The following DNER variants were observed in gnomAD, a reference collection of about 807,000 sequenced individuals.
The protein encoded by DNER is delta and Notch-like epidermal growth factor-related receptor.
A neutral mutation model predicts 78.2 loss-of-function variants in DNER; 33 were observed. The observed-to-expected ratio is 0.42, with a 90% CI of 0.32 to 0.56. The LOEUF (loss-of-function observed/expected upper bound fraction) is 0.56. Among genes scored for constraint, DNER ranks in the 20% least tolerant of loss-of-function variants. The pLI, the probability that DNER is intolerant of heterozygous loss-of-function variation, is 0.11. For missense variants in DNER, 918 were observed against 975.3 expected, an observed-to-expected ratio of 0.94 and a Z score of 0.78; for synonymous variants, 417 against 384.8, an observed-to-expected ratio of 1.08 and a Z score of -0.98.
intron 10 of DNER, among the ~76,000 whole-genome samples, chr2:229,394,531 G>A (rs1014627181): frequency 1.3e-5 from 2 of 152,234 alleles, no homozygotes; most frequent in African/African-American, 2.4e-5. Flanking sequence ...AGGGAATGAA[G>A]CGTCTGTGTG....
At chr2:229,404,603 C>T (rs1693340847) in intron 10 of DNER, among the ~76,000 whole-genome samples, 1 of 152,074 alleles carries the variant, frequency 6.6e-6, no homozygotes, top group African/African-American at 2.4e-5. Flanking sequence ...AGTTTCTGGC[C>T]AGAATGACTG....
In DNER at chr2:229,591,382, C is replaced by T. The variant is rs1697603417; in HGVS notation, c.585+198G>A. On this transcript the variant is annotated intron_variant, in intron 2 of 12. Transcript: ENST00000341772. This position sits in a 1 kb window ranked among gnomAD's most constrained non-coding sequence, Gnocchi z 4.6. ...TACCATTCCAAAAAATAATTTGATTCATTTTTTTGTTTACTCTTTTTATAC... is the reference window on the plus strand; with the variant it reads ...TACCATTCCAAAAAATAATTTGATTTATTTTTTTGTTTACTCTTTTTATAC... Among the ~76,000 whole-genome samples, 1 of 152,194 alleles carries T rather than the reference C, an allele frequency of 6.6e-6. No individual in the cohort carries two copies. Among genetic ancestry groups the T allele is most frequent in the Non-Finnish European group, 1.5e-5 (1 of 68,022 alleles).
intron 6 of DNER, among the ~76,000 whole-genome samples, chr2:229,512,576 C>G (rs1260591096): frequency 1.3e-5 from 2 of 151,924 alleles, no homozygotes; most frequent in Non-Finnish European, 2.9e-5. Flanking sequence ...GGAAGGGTGA[C>G]AAGGGGATGA....
At chr2:229,409,564 TTGA>T (rs1489090210) in intron 9 of DNER, among the ~76,000 whole-genome samples, 6 of 152,224 alleles carry the variant, frequency 3.9e-5, no homozygotes, top group African/African-American at 1.4e-4. Flanking sequence ...AAAATAAGAC[TTGA>T]TGAAAACACC....
chr2:229,604,986 G>A (rs926775588), intron 1 of DNER, among the ~76,000 whole-genome samples: 2 of 152,144 alleles, frequency 1.3e-5, no homozygotes, highest in African/African-American at 2.4e-5. Flanking sequence ...TGTTCAGATT[G>A]TCTCATTGCA....
At chr2:229,586,531 A>C (rs1328096304) in intron 3 of DNER, among the ~76,000 whole-genome samples, 5 of 126,212 alleles carry the variant, frequency 4.0e-5, no homozygotes, top group African/African-American at 1.9e-4. Flanking sequence ...AAAAAAAAAA[A>C]AAAAAAAAAA....
chr2:229,438,427 A>G (rs1694167022), intron 8 of DNER, among the ~76,000 whole-genome samples: 1 of 152,190 alleles, frequency 6.6e-6, no homozygotes, highest in African/African-American at 2.4e-5. Flanking sequence ...GCTTCTGAGG[A>G]TTAGGGTTAA....
At chr2:229,359,947 T>C (rs1409718045) in intron 12 of DNER, among the ~76,000 whole-genome samples, 5 of 152,204 alleles carry the variant, frequency 3.3e-5, no homozygotes, top group Non-Finnish European at 5.9e-5. Flanking sequence ...CAGCTATTAC[T>C]GCAATATGAC....
chr2:229,538,858 T>A (rs950268608), intron 5 of DNER, among the ~76,000 whole-genome samples: 1 of 152,212 alleles, frequency 6.6e-6, no homozygotes, highest in Non-Finnish European at 1.5e-5. Flanking sequence ...TAATTTCTTA[T>A]AATAAATTAG....
chr2:229,696,936 T>C (rs148176607), intron 1 of DNER, among the ~76,000 whole-genome samples: 1 of 152,326 alleles, frequency 6.6e-6, no homozygotes, highest in East Asian at 1.9e-4. Flanking sequence ...AGCCATCTGG[T>C]AGTTCCTCAA....
At chr2:229,577,616 CA>C (rs1397133819) in intron 4 of DNER, among the ~76,000 whole-genome samples, 2 of 151,612 alleles carry the variant, frequency 1.3e-5, no homozygotes, top group Admixed American at 1.3e-4. Flanking sequence ...GCATGGGCAA[CA>C]AAGAGAGACT....
chr2:229,516,467 A>C (rs1695972857), intron 5 of DNER, among the ~76,000 whole-genome samples: 1 of 152,240 alleles, frequency 6.6e-6, no homozygotes, highest in South Asian at 2.1e-4. Context: ...GCTTAGCTAA[A>C]TTACAGAAAG....
rs1696489299 is a variant in DNER, at chr2:229,540,429, A to G, written c.993+6518T>C. Among the ~76,000 whole-genome samples, 6 of 152,182 alleles carry G rather than the reference A, an allele frequency of 3.9e-5. No individual in the cohort carries two copies. The South Asian group carries it at 1.2e-3, about 32-fold the overall frequency. On this transcript the variant is annotated intron_variant, in intron 5 of 12. Transcript: ENST00000341772. Reference sequence around the variant, plus strand: ...TGGAAATAGACAAGCCCAAGAAATGATAATTTACAGGGAGCCCTAAAAAGG... The same window carrying G: ...TGGAAATAGACAAGCCCAAGAAATGGTAATTTACAGGGAGCCCTAAAAAGG...
chr2:229,470,656 C>T (rs919971276), intron 7 of DNER, among the ~76,000 whole-genome samples: 42 of 152,120 alleles, frequency 2.8e-4, no homozygotes, highest in Admixed American at 1.4e-3. Context: ...TTGAGACCAG[C>T]CTGGCCAACA....
At chr2:229,490,286 T>C (rs1294103420) in intron 6 of DNER, among the ~76,000 whole-genome samples, 2 of 152,172 alleles carry the variant, frequency 1.3e-5, no homozygotes, top group Non-Finnish European at 2.9e-5. Context: ...AGTGTCTTAG[T>C]GTCTTGGCAG....
At chr2:229,496,736 C>G (rs191031788) in intron 6 of DNER, among the ~76,000 whole-genome samples, 4 of 152,178 alleles carry the variant, frequency 2.6e-5, no homozygotes, top group Admixed American at 1.3e-4. Context: ...ACAAAGGGGT[C>G]AATTCAATAA....
chr2:229,673,896 C>T (rs758065927), intron 1 of DNER, among the ~76,000 whole-genome samples: 3 of 152,222 alleles, frequency 2.0e-5, no homozygotes, highest in Non-Finnish European at 4.4e-5. Context: ...ACTCTGGCTG[C>T]TAGATGGGTT....
chr2:229,462,642 A>G (rs1390224406), intron 7 of DNER, among the ~76,000 whole-genome samples: 1 of 152,142 alleles, frequency 6.6e-6, no homozygotes, highest in African/African-American at 2.4e-5. Context: ...TTCCCTGTCC[A>G]TCTTACCCCT....
chr2:229,447,429 G>A lies in DNER; in HGVS notation c.1373C>T (p.Pro458Leu), dbSNP rs142582450. 1.3e-5 allele frequency: 21 copies of A among 1,613,928 alleles called. No individual in the cohort carries two copies. Among genetic ancestry groups the A allele is most frequent in the South Asian group, 3.3e-5 (3 of 91,032 alleles). Residue 458 changes from proline (P) to leucine (L), a missense_variant, in exon 8 of 13, where the codon CCG becomes CTG. Transcript: ENST00000341772. The stretch of plus-strand genomic sequence containing the variant: ...GGCACAGGTCGGCCCTGTGAAGCCC[G>A]GGCTGCAGTTGCAGGTAAAGTGTAC... Reference protein sequence around the residue: ...DGVHFTCNCSPGFTGPTCAQL... With the variant: ...DGVHFTCNCSLGFTGPTCAQL...
Sources: gnomAD v4.1 joint callset for allele counts (sites outside exome capture counted in the v4.1 genomes callset) on GRCh38, gnomAD v4.1.1 for gene constraint, Gnocchi (gnomAD v3.1) non-coding constraint, MANE v1.5 for transcripts, NCBI Gene and HGNC (gene_info 2026-07-23, HGNC 2026-07-21) for gene names.